Variants in ZNF284 observed in about 807,000 individuals in gnomAD.
The protein encoded by ZNF284 is zinc finger protein 284.
ZNF284 carries 12 observed loss-of-function variants against 12.9 expected under a neutral mutation model. That is an observed-to-expected ratio of 0.93 (90% CI 0.60 to 1.51). ZNF284 has a LOEUF of 1.51. Ranked by LOEUF, ZNF284 falls within the 40% of genes most tolerant of loss-of-function variation. The pLI, the probability that ZNF284 is intolerant of heterozygous loss-of-function variation, is 0.00. For missense variants in ZNF284, 667 were observed against 707.3 expected, an observed-to-expected ratio of 0.94 and a Z score of 0.65; for synonymous variants, 225 against 236.5, an observed-to-expected ratio of 0.95 and a Z score of 0.45.
rs1361083093 is a variant in ZNF284 at position 44,083,485 on chromosome 19, AGAGAGAGAGAGAGAGAGG to A, written c.235+1383_235+1400del. On this transcript the variant is annotated intron_variant, in intron 4 of 4. Transcript: ENST00000421176. ...TATATATATATATATAGAGAGAGAGAGAGAGAGAGAGAGAGAGGGAATGGAATACCATCCTATCTTTAC... is the reference window on the plus strand; with the variant it reads ...TATATATATATATATAGAGAGAGAGAGAATGGAATACCATCCTATCTTTAC... Among the ~76,000 whole-genome samples, 957 of 98,216 alleles carry A rather than the reference AGAGAGAGAGAGAGAGAGG, an allele frequency of 9.7e-3. 112 individuals are homozygous for A. The highest frequency in any genetic ancestry group is 0.019 in the African/African-American group (546 of 28,208). The allele number at this position is 98,216 out of a possible 152,430, so 64.4% of individuals were successfully genotyped here.
At chr19:44,075,390 G>C (rs1967011698) in intron 1 of ZNF284, among the ~76,000 whole-genome samples, 1 of 152,184 alleles carries the variant, frequency 6.6e-6, no homozygotes, top group African/African-American at 2.4e-5. Context: ...TAAATTTCAT[G>C]TTTACGTTTA....
intron 1 of ZNF284, among the ~76,000 whole-genome samples, chr19:44,072,914 G>A (rs1288202723): frequency 6.6e-6 from 1 of 152,260 alleles, no homozygotes; most frequent in African/African-American, 2.4e-5. Context: ...GCTGCAGGGA[G>A]GGACTTCTTG....
At position 44,085,954 on chromosome 19, in the gene ZNF284, T is replaced by C. The variant is rs1451204662; in HGVS notation, c.476T>C (p.Val159Ala). 1 of 1,614,012 alleles carries C rather than the reference T, an allele frequency of 6.2e-7. No homozygotes were observed. Among genetic ancestry groups the C allele is most frequent in the Non-Finnish European group, 8.5e-7 (1 of 1,180,004 alleles). Reference sequence around the variant, plus strand: ...AAGTGTAAAAAATTCTTCAGTGATGTCTCCATCCTTGATCTTCATCAACAA... The same window carrying C: ...AAGTGTAAAAAATTCTTCAGTGATGCCTCCATCCTTGATCTTCATCAACAA... The part of the protein sequence containing the change: ...HGKCKKFFSD[V>A]SILDLHQQLH... Residue 159 changes from valine to alanine, a missense_variant, in exon 5 of 5, where the codon GTC becomes GCC. Transcript: ENST00000421176.
Position 44,086,707 on chromosome 19 carries a change from T to C in ZNF284, c.1229T>C (p.Met410Thr). Reference protein sequence around the residue: ...KCDGCGKRFYMNSQGHSHQRA... With the variant: ...KCDGCGKRFYTNSQGHSHQRA... Reference sequence around the variant, plus strand: ...GACGGATGTGGGAAGAGATTTTATATGAATTCACAGGGCCATTCACATCAG... The same window carrying C: ...GACGGATGTGGGAAGAGATTTTATACGAATTCACAGGGCCATTCACATCAG... Residue 410 changes from methionine (M) to threonine (T), a missense_variant, in exon 5 of 5, where the codon ATG becomes ACG. Coordinates refer to ENST00000421176, the MANE Select transcript of ZNF284 (RefSeq NM_001037813.4). The C allele has an allele frequency of 6.2e-7, 1 of 1,614,042 alleles. No homozygotes were observed. The highest frequency in any genetic ancestry group is 2.2e-5 in the East Asian group (1 of 44,870).
In ZNF284 at chr19:44,087,767, CTTTT is replaced by C. The variant is rs142880841; in HGVS notation, c.*522_*525del. 2.1e-4 allele frequency: 26 copies of C among 122,796 alleles called. No individual in the cohort carries two copies. The highest frequency in any genetic ancestry group is 4.2e-3 in the Middle Eastern group (1 of 238). 7.6% of individuals were successfully genotyped at this position (122,796 alleles called of 1,614,324 possible). A position where few individuals can be genotyped will look rare whatever the true frequency, so the allele number is the denominator to read the frequency against. On this transcript the variant is annotated 3_prime_UTR_variant, in exon 5 of 5. Coordinates refer to ENST00000421176, the MANE Select transcript of ZNF284 (RefSeq NM_001037813.4). Reference sequence around the variant, plus strand: ...CCACCACGCCCAGCTAATTTTTGTACTTTTTTTTTTTTTTTTTTGAGACAGAGTA... The same window carrying C: ...CCACCACGCCCAGCTAATTTTTGTACTTTTTTTTTTTTTTGAGACAGAGTA...
rs1273234883 is a variant in ZNF284, at chr19:44,089,302, A to G, written c.*2042A>G. On this transcript the variant is annotated 3_prime_UTR_variant, in exon 5 of 5. Coordinates refer to ENST00000421176, the MANE Select transcript of ZNF284 (RefSeq NM_001037813.4). ...CCACCACCCCTGATTGATCTTCTTT[A>G]GTTTCTATAACAAAATAGTACACTG... 1.3e-5 allele frequency: 2 copies of G among 151,838 alleles called. No individual in the cohort carries two copies. The highest frequency in any genetic ancestry group is 2.9e-5 in the Non-Finnish European group (2 of 67,962). 9.4% of individuals were successfully genotyped at this position (151,838 alleles called of 1,614,324 possible). A position where few individuals can be genotyped will look rare whatever the true frequency, so the allele number is the denominator to read the frequency against.
In ZNF284 at chr19:44,076,310, G is replaced by A; in HGVS notation, c.-68-12G>A. 7.2e-7 allele frequency: 1 copy of A among 1,390,748 alleles called. No homozygotes were observed. 86.2% of individuals were successfully genotyped at this position (1,390,748 alleles called of 1,614,324 possible). On this transcript the variant is annotated splice_polypyrimidine_tract_variant and intron_variant, in intron 1 of 4. Coordinates refer to ENST00000421176, the MANE Select transcript of ZNF284 (RefSeq NM_001037813.4). Reference sequence around the variant, plus strand: ...CTCTTTTTTTTTTTTTGCCTTCCATGGCATGTTTCAGGCACAATTCTGTCT... The same window carrying A: ...CTCTTTTTTTTTTTTTGCCTTCCATAGCATGTTTCAGGCACAATTCTGTCT...
rs762201052 is a variant in ZNF284, at chr19:44,086,527, G to A, written c.1049G>A (p.Arg350Lys). The stretch of plus-strand genomic sequence containing the variant: ...CTATACAAATGTGAAGAATGTGGAA[G>A]GAGCTTCACTTGTAGGCAAGATCTT... ...EKLYKCEECG[R>K]SFTCRQDLCK... The change falls in exon 5 of 5, where the codon AGG becomes AAG. Residue 350 changes from arginine (R) to lysine (K), a missense_variant. Coordinates refer to ENST00000421176, the MANE Select transcript of ZNF284 (RefSeq NM_001037813.4). 2 of 1,614,146 alleles carry A rather than the reference G, an allele frequency of 1.2e-6. No homozygotes were observed. Among genetic ancestry groups the A allele is most frequent in the Middle Eastern group, 1.6e-4 (1 of 6,062 alleles).
In ZNF284 at chr19:44,081,883, A is replaced by G; in HGVS notation, c.143-130A>G. The G allele has an allele frequency of 6.1e-6, 4 of 651,258 alleles. No homozygotes were observed. The South Asian group carries it at 8.6e-5, about 14-fold the overall frequency. 40.3% of individuals were successfully genotyped at this position (651,258 alleles called of 1,614,324 possible). On this transcript the variant is annotated intron_variant, in intron 3 of 4. Transcript: ENST00000421176. The stretch of plus-strand genomic sequence containing the variant: ...ACATGTGGGGATTATGGGAACTACA[A>G]TTCAAGATGAGATTTGGGGACACCG...
At chr19:44,079,649 C>T (rs975341610) in intron 2 of ZNF284, among the ~76,000 whole-genome samples, 1 of 151,588 alleles carries the variant, frequency 6.6e-6, no homozygotes, top group South Asian at 2.1e-4. Context: ...GCGGAGCTTG[C>T]GTTAGCTGAG....
In ZNF284 at chr19:44,087,552, A is replaced by C; in HGVS notation, c.*292A>C. The C allele has an allele frequency of 6.3e-6, 1 of 159,684 alleles. No homozygotes were observed. The highest frequency in any genetic ancestry group is 2.9e-5 in the African/African-American group (1 of 35,082). 9.9% of individuals were successfully genotyped at this position (159,684 alleles called of 1,614,324 possible). ...TCTTTCATCATCCACCCTCTCTCCT[A>C]CTTTTCCCTTCTAGTAATTGCTATG... On this transcript the variant is annotated 3_prime_UTR_variant, in exon 5 of 5. Transcript: ENST00000421176.
intron 4 of ZNF284, among the ~76,000 whole-genome samples, chr19:44,082,772 T>C (rs1967149256): frequency 6.6e-6 from 1 of 151,540 alleles, no homozygotes; most frequent in Non-Finnish European, 1.5e-5. Flanking sequence ...CATTCTTCCA[T>C]AGTCATCTGC....
At chr19:44,079,322 G>A (rs73558261) in intron 2 of ZNF284, among the ~76,000 whole-genome samples, 4 of 152,162 alleles carry the variant, frequency 2.6e-5, no homozygotes, top group South Asian at 2.1e-4. Flanking sequence ...AGCCAGGTGC[G>A]GTGGCTCACG....
chr19:44,081,975 A>G, intron 3 of ZNF284, 38 bp from the exon 4 acceptor site: 1 of 1,543,076 alleles, frequency 6.5e-7, no homozygotes, highest in Non-Finnish European at 8.9e-7. Context: ...AATTTTACCT[A>G]AGATGTATTG....
chr19:44,076,364 G>T lies in ZNF284; in HGVS notation c.-26G>T. ...CTTGAACTGCATAACTGAGAACTCT[G>T]CAAATTCCCCAAAGAAGGAGGAAAA... On this transcript the variant is annotated 5_prime_UTR_variant, in exon 2 of 5. Coordinates refer to ENST00000421176, the MANE Select transcript of ZNF284 (RefSeq NM_001037813.4). 1 of 1,607,618 alleles carries T rather than the reference G, an allele frequency of 6.2e-7. No individual in the cohort carries two copies. Among genetic ancestry groups the T allele is most frequent in the South Asian group, 1.1e-5 (1 of 90,058 alleles).
At chr19:44,083,653 G>A (rs962674207) in intron 4 of ZNF284, among the ~76,000 whole-genome samples, 1 of 151,610 alleles carries the variant, frequency 6.6e-6, no homozygotes, top group African/African-American at 2.4e-5. Flanking sequence ...AGATTCAGGG[G>A]GTACATGTGC....
chr19:44,085,003 G>A (rs1382000872), intron 4 of ZNF284, among the ~76,000 whole-genome samples: 1 of 152,106 alleles, frequency 6.6e-6, no homozygotes, highest in Non-Finnish European at 1.5e-5. Context: ...CAGCGGAAAT[G>A]TAAACCACTA....
chr19:44,083,489 AGAGAGAGAGAGAGGGAAT>A (rs1304372505), intron 4 of ZNF284, among the ~76,000 whole-genome samples: 3 of 98,692 alleles, frequency 3.0e-5, no homozygotes, highest in Admixed American at 9.1e-5. Context: ...AGAGAGAGAG[AGAGAGAGAGAGAGGGAAT>A]GGAATACCAT....
chr19:44,079,641 G>A (rs1486801178), intron 2 of ZNF284, among the ~76,000 whole-genome samples: 3 of 151,624 alleles, frequency 2.0e-5, no homozygotes, highest in African/African-American at 4.8e-5. Flanking sequence ...CCCAGGAGGC[G>A]GAGCTTGCGT....
Sources: gnomAD v4.1 joint callset for allele counts (sites outside exome capture counted in the v4.1 genomes callset) on GRCh38, gnomAD v4.1.1 for gene constraint, MANE v1.5 for transcripts, NCBI Gene and HGNC (gene_info 2026-07-23, HGNC 2026-07-21) for gene names.